The following PDK1 variants were observed in gnomAD, a reference collection of about 807,000 sequenced individuals.
The protein encoded by PDK1 is [Pyruvate dehydrogenase (acetyl-transferring)] kinase isozyme 1, mitochondrial.
In PDK1, 39 loss-of-function variants were observed where a neutral mutation model predicts 54.2. The ratio of observed to expected loss-of-function variants is 0.72; its 90% CI spans 0.56 to 0.94. PDK1 has a LOEUF of 0.94. Among genes scored for constraint, PDK1 ranks in the 40% least tolerant of loss-of-function variants. The probability of loss-of-function intolerance (pLI) is 0.00; values close to 1 mark genes in which losing one functional copy is unlikely to be tolerated. For missense variants in PDK1, 552 were observed against 566.0 expected, an observed-to-expected ratio of 0.98 and a Z score of 0.25; for synonymous variants, 221 against 207.1, an observed-to-expected ratio of 1.07 and a Z score of -0.58.
the PDK1 span, among the ~76,000 whole-genome samples, chr2:172,625,348 C>T: frequency 7.2e-5 from 11 of 152,106 alleles, no homozygotes; most frequent in African/African-American, 2.4e-4. Flanking sequence ...TCTTTCTATC[C>T]TTACTGCATT....
chr2:172,648,444 C>T, the PDK1 span, among the ~76,000 whole-genome samples: 43 of 152,214 alleles, frequency 2.8e-4, no homozygotes, highest in African/African-American at 8.2e-4. Context: ...ATGCAGAAGA[C>T]GAGTGATTTC....
At chr2:172,697,059 T>C in the PDK1 span, among the ~76,000 whole-genome samples, 17 of 152,176 alleles carry the variant, frequency 1.1e-4, no homozygotes, top group East Asian at 3.3e-3. Context: ...AACTGGTGAA[T>C]TTGTAACGGA....
the PDK1 span, among the ~76,000 whole-genome samples, chr2:172,631,868 A>G: frequency 1.3e-5 from 2 of 152,178 alleles, no homozygotes; most frequent in Non-Finnish European, 2.9e-5. Flanking sequence ...TGATATTTGT[A>G]TACGAATACT....
the PDK1 span, among the ~76,000 whole-genome samples, chr2:172,626,834 TA>T: frequency 6.6e-6 from 1 of 151,982 alleles, no homozygotes; most frequent in South Asian, 2.1e-4. Flanking sequence ...AAGAAATCAA[TA>T]AAAAACAAGA....
At chr2:172,655,389 C>T in the PDK1 span, among the ~76,000 whole-genome samples, 140 of 152,346 alleles carry the variant, frequency 9.2e-4, 2 homozygotes, top group East Asian at 0.024. Context: ...CTTGCTGATT[C>T]ACTTCCAGTG....
chr2:172,579,525 C>CT (rs10660737), intron 8 of PDK1, among the ~76,000 whole-genome samples: 4,407 of 122,516 alleles, frequency 0.036, 223 homozygotes, highest in African/African-American at 0.1. Context: ...CCCGCTCTTT[C>CT]TTTTTTTTTT....
At chr2:172,562,748 A>G (rs768828982) in intron 3 of PDK1, 7 of 1,577,840 alleles carry the variant, frequency 4.4e-6, no homozygotes, top group Non-Finnish European at 3.5e-6. Flanking sequence ...CAGAAGGCCT[A>G]GAAGAACATG....
chr2:172,573,868 G>A (rs1262568352), intron 8 of PDK1, among the ~76,000 whole-genome samples: 1 of 151,956 alleles, frequency 6.6e-6, no homozygotes, highest in Admixed American at 6.6e-5. Flanking sequence ...AACTTAAGCA[G>A]TCCTCCCACC....
At chr2:172,633,641 G>A in the PDK1 span, among the ~76,000 whole-genome samples, 1 of 150,822 alleles carries the variant, frequency 6.6e-6, no homozygotes, top group Non-Finnish European at 1.5e-5. Flanking sequence ...CAGCCTTGCA[G>A]ATGAACAAAT....
At chr2:172,665,588 C>T in the PDK1 span, among the ~76,000 whole-genome samples, 1 of 152,046 alleles carries the variant, frequency 6.6e-6, no homozygotes, top group African/African-American at 2.4e-5. Context: ...CTGAGCCTAC[C>T]CTGAAGCCCC....
chr2:172,628,872 A>C, the PDK1 span, among the ~76,000 whole-genome samples: 1 of 152,164 alleles, frequency 6.6e-6, no homozygotes, highest in Admixed American at 6.5e-5. Context: ...TAATCCCAGC[A>C]CTTTGGGAGA....
Position 172,586,320 on chromosome 2 carries a change from A to ATC in PDK1, c.988_989insTC (p.Arg330IlefsTer45). The stretch of plus-strand genomic sequence containing the variant: ...TGGCGTTCCTTTGAGGAAAATTGAC[A>ATC]GACTTTTCAACTACATGTATTCAAC... On this transcript the variant is annotated frameshift_variant, in exon 9 of 11. Transcript: ENST00000282077. LOFTEE classifies it high-confidence loss of function. The ATC allele has an allele frequency of 6.2e-7, 1 of 1,613,572 alleles. No individual in the cohort carries two copies. Among genetic ancestry groups the ATC allele is most frequent in the Non-Finnish European group, 8.5e-7 (1 of 1,179,550 alleles).
chr2:172,626,296 A>C, the PDK1 span, among the ~76,000 whole-genome samples: 1 of 152,152 alleles, frequency 6.6e-6, no homozygotes, highest in East Asian at 1.9e-4. Flanking sequence ...TTTTGAAGGT[A>C]GAGTGACATT....
At chr2:172,587,100 C>A (rs1416585431) in intron 9 of PDK1, among the ~76,000 whole-genome samples, 1 of 152,062 alleles carries the variant, frequency 6.6e-6, no homozygotes. Flanking sequence ...TATTTTAGAC[C>A]CCTTCCTAGG....
chr2:172,702,344 G>A, the PDK1 span, among the ~76,000 whole-genome samples: 1 of 152,260 alleles, frequency 6.6e-6, no homozygotes, highest in East Asian at 1.9e-4. Context: ...GCGCATGATG[G>A]CGGATGCCTG....
In PDK1 at chr2:172,600,727, A is replaced by G. The variant is rs1691085398; in HGVS notation, c.*4758A>G. On this transcript the variant is annotated 3_prime_UTR_variant, in exon 11 of 11. Transcript: ENST00000282077. ...TGAGGAGGGGATATCTTATCCTCCT[A>G]GGGTCCGAGGACGCTTTAGTTGGGA... 1 of 152,290 alleles carries G rather than the reference A, an allele frequency of 6.6e-6. No homozygotes were observed. Among genetic ancestry groups the G allele is most frequent in the African/African-American group, 2.4e-5 (1 of 41,452 alleles). 9.4% of individuals were successfully genotyped at this position (152,290 alleles called of 1,614,324 possible). A position where few individuals can be genotyped will look rare whatever the true frequency, so the allele number is the denominator to read the frequency against.
At chr2:172,692,928 G>T in the PDK1 span, among the ~76,000 whole-genome samples, 8,111 of 152,250 alleles carry the variant, frequency 0.053, 409 homozygotes, top group East Asian at 0.22. Flanking sequence ...AACCAGATTG[G>T]GTTGGTTCTG....
At chr2:172,628,578 A>G in the PDK1 span, among the ~76,000 whole-genome samples, 1 of 152,154 alleles carries the variant, frequency 6.6e-6, no homozygotes, top group African/African-American at 2.4e-5. Flanking sequence ...AACATCTTTG[A>G]ATAATATATA....
chr2:172,572,064 G>A (rs1024947095), intron 8 of PDK1, among the ~76,000 whole-genome samples: 6 of 151,840 alleles, frequency 4.0e-5, no homozygotes, highest in Admixed American at 6.6e-5. Context: ...ACTCGACCTC[G>A]TGTTATCCGC....
Sources: allele counts gnomAD v4.1 joint callset (sites outside exome capture counted in the v4.1 genomes callset), GRCh38; gene constraint gnomAD v4.1.1; transcripts MANE v1.5; gene names NCBI Gene and HGNC (gene_info 2026-07-23, HGNC 2026-07-21).